Variants in LYPD6B observed in about 807,000 individuals in gnomAD.
LYPD6B encodes ly6/PLAUR domain-containing protein 6B.
LYPD6B carries 17 observed loss-of-function variants against 22.8 expected under a neutral mutation model. The ratio of observed to expected loss-of-function variants is 0.75; its 90% CI spans 0.51 to 1.12. The LOEUF (loss-of-function observed/expected upper bound fraction) is 1.12. Among genes scored for constraint, LYPD6B ranks in the 50% most tolerant of loss-of-function variants. LYPD6B has a pLI of 0.00. For missense variants in LYPD6B, 221 were observed against 258.3 expected, an observed-to-expected ratio of 0.86 and a Z score of 0.99; for synonymous variants, 106 against 91.6, an observed-to-expected ratio of 1.16 and a Z score of -0.90.
At chr2:149,090,281 C>T (rs1168904232) in intron 1 of LYPD6B, among the ~76,000 whole-genome samples, 1 of 152,178 alleles carries the variant, frequency 6.6e-6, no homozygotes, top group Admixed American at 6.5e-5. Flanking sequence ...GACTTACATA[C>T]AATTATATTC....
At chr2:149,062,756 A>G (rs1558975356) in intron 1 of LYPD6B, among the ~76,000 whole-genome samples, 1 of 152,010 alleles carries the variant, frequency 6.6e-6, no homozygotes. Flanking sequence ...GAAAAGAAAG[A>G]TCATCATGTC....
intron 3 of LYPD6B, among the ~76,000 whole-genome samples, chr2:149,202,433 A>G (rs190655188): frequency 4.6e-5 from 7 of 152,044 alleles, no homozygotes; most frequent in Admixed American, 3.9e-4. Context: ...TTTTCCCTTG[A>G]TTCTTTGCTT....
chr2:149,165,726 G>T (rs186313057), intron 3 of LYPD6B, among the ~76,000 whole-genome samples: 1 of 152,330 alleles, frequency 6.6e-6, no homozygotes, highest in East Asian at 1.9e-4. Context: ...CTAAGTCGTA[G>T]ACCTGGGATT....
intron 1 of LYPD6B, 129 bp from the exon 2 acceptor site, chr2:149,130,754 G>T (rs1687977765): frequency 3.9e-6 from 2 of 510,232 alleles, no homozygotes; most frequent in South Asian, 3.5e-5. Context: ...GGTTAGGAAA[G>T]GTTATTGAGC....
chr2:149,076,720 G>A (rs1461906363), intron 1 of LYPD6B, among the ~76,000 whole-genome samples: 2 of 152,098 alleles, frequency 1.3e-5, no homozygotes, highest in Admixed American at 6.6e-5. Context: ...AAACTGTTCT[G>A]GATCTAATAT....
intron 2 of LYPD6B, among the ~76,000 whole-genome samples, chr2:149,156,317 A>G (rs1479153059): frequency 6.6e-6 from 1 of 152,168 alleles, no homozygotes; most frequent in Non-Finnish European, 1.5e-5. Context: ...GGATAAGGGA[A>G]TGAATGACAG....
In LYPD6B at chr2:149,103,935, C is replaced by T. The variant is rs552204882; in HGVS notation, c.-66-26948C>T. Among the ~76,000 whole-genome samples, 58 of 151,848 alleles carry T rather than the reference C, an allele frequency of 3.8e-4. No homozygotes were observed. The South Asian group carries it at 9.2e-3, about 24-fold the overall frequency. Reference sequence around the variant, plus strand: ...GGTATTACAGGCTCATGCTGCCACACCCAGCTAATTTTTTATATTTTTGTT... The same window carrying T: ...GGTATTACAGGCTCATGCTGCCACATCCAGCTAATTTTTTATATTTTTGTT... On this transcript the variant is annotated intron_variant, in intron 1 of 6. Transcript: ENST00000409642.
At position 149,057,089 on chromosome 2, in the gene LYPD6B, T is replaced by C. The variant is rs1360118950; in HGVS notation, c.-67+18288T>C. 6.6e-5 allele frequency among the ~76,000 whole-genome samples: 10 copies of C among 152,236 alleles called. No individual in the cohort carries two copies. The East Asian group carries it at 1.9e-3, about 29-fold the overall frequency. On this transcript the variant is annotated intron_variant, in intron 1 of 6. Coordinates refer to ENST00000409642, the MANE Select transcript of LYPD6B (RefSeq NM_177964.5). ...GAAAGTAAAGCAATTACATAGGTCATACCTTAAAATGATTTATGTAGTTTT... is the reference window on the plus strand; with the variant it reads ...GAAAGTAAAGCAATTACATAGGTCACACCTTAAAATGATTTATGTAGTTTT...
At chr2:149,073,263 C>A (rs1382176609) in intron 1 of LYPD6B, among the ~76,000 whole-genome samples, 2 of 152,162 alleles carry the variant, frequency 1.3e-5, no homozygotes, top group Non-Finnish European at 2.9e-5. Flanking sequence ...TGGTCTCTGA[C>A]CCATTGCTGA....
At chr2:149,194,248 C>A (rs1293537423) in intron 3 of LYPD6B, among the ~76,000 whole-genome samples, 1 of 152,140 alleles carries the variant, frequency 6.6e-6, no homozygotes, top group Non-Finnish European at 1.5e-5. Context: ...ATTGCCCTTA[C>A]ACTTCATAGT....
rs765950363 is a variant in LYPD6B at position 149,213,141 on chromosome 2, T to C, written c.459+19T>C. 5 of 1,613,018 alleles carry C rather than the reference T, an allele frequency of 3.1e-6. No individual in the cohort carries two copies. The African/African-American group carries it at 6.7e-5, about 22-fold the overall frequency. ...ACATACGGTAAGGATCGTGTGTGTG[T>C]GTTATTGTCTAAACTTTCATCCTAG... On this transcript the variant is annotated intron_variant, in intron 6 of 6. Transcript: ENST00000409642.
chr2:149,160,937 T>A, intron 3 of LYPD6B, 102 bp downstream of exon 3: 1 of 851,418 alleles, frequency 1.2e-6, no homozygotes, highest in South Asian at 1.5e-5. Flanking sequence ...CCTGTGTTTT[T>A]CCCATCTCCT....
chr2:149,162,455 C>T (rs1180694212), intron 3 of LYPD6B, among the ~76,000 whole-genome samples: 1 of 152,150 alleles, frequency 6.6e-6, no homozygotes. Context: ...CTGAATGGGG[C>T]CAACCCATGT....
At chr2:149,131,050 A>C (rs1687997835) in intron 2 of LYPD6B, 97 bp downstream of exon 2, 3 of 822,800 alleles carry the variant, frequency 3.6e-6, no homozygotes, top group Non-Finnish European at 2.1e-6. Context: ...AAAATATATT[A>C]AACATTTGTG....
At chr2:149,163,498 T>G (rs1215622987) in intron 3 of LYPD6B, among the ~76,000 whole-genome samples, 1 of 152,200 alleles carries the variant, frequency 6.6e-6, no homozygotes, top group Non-Finnish European at 1.5e-5. Flanking sequence ...GTAAGAACCT[T>G]TAGCATCATG....
At chr2:149,090,828 G>C (rs1685615604) in intron 1 of LYPD6B, among the ~76,000 whole-genome samples, 1 of 152,136 alleles carries the variant, frequency 6.6e-6, no homozygotes, top group Non-Finnish European at 1.5e-5. Context: ...GACAGGCATT[G>C]ATCATTTTGA....
At chr2:149,126,332 C>T (rs1036035276) in intron 1 of LYPD6B, among the ~76,000 whole-genome samples, 3 of 152,150 alleles carry the variant, frequency 2.0e-5, no homozygotes, top group Non-Finnish European at 2.9e-5. Flanking sequence ...TTCTAACTCC[C>T]CCAAAACTTA....
chr2:149,110,884 T>G (rs547612019), intron 1 of LYPD6B, among the ~76,000 whole-genome samples: 2 of 152,148 alleles, frequency 1.3e-5, no homozygotes, highest in Admixed American at 1.3e-4. Flanking sequence ...GAGAGAACAA[T>G]GGGGAGTGGA....
In LYPD6B at chr2:149,062,032, G is replaced by A. The variant is rs116552030; in HGVS notation, c.-67+23231G>A. 2.6e-3 allele frequency among the ~76,000 whole-genome samples: 395 copies of A among 150,932 alleles called. 1 individual carries two copies. Among genetic ancestry groups the A allele is most frequent in the Non-Finnish European group, 4.7e-3 (320 of 67,854 alleles). On this transcript the variant is annotated intron_variant, in intron 1 of 6. Transcript: ENST00000409642. ...CTGCCCAGGCTGGAGTAAAAATGGC[G>A]CAATCCCAGCTCTGCGCCATCTCAG...
Sources: allele counts gnomAD v4.1 joint callset (sites outside exome capture counted in the v4.1 genomes callset), GRCh38; gene constraint gnomAD v4.1.1; transcripts MANE v1.5; gene names NCBI Gene and HGNC (gene_info 2026-07-23, HGNC 2026-07-21).